Variants in PLRG1 observed in about 807,000 individuals in gnomAD.
PLRG1 encodes the protein pleiotropic regulator 1 (PRL1 homolog, Arabidopsis).
Under a neutral mutation model 74.9 loss-of-function variants are expected in PLRG1, and 28 were observed. The ratio of observed to expected loss-of-function variants is 0.37; its 90% CI spans 0.28 to 0.51. PLRG1 has a LOEUF of 0.51. PLRG1 is among the 20% of genes least tolerant of loss of function. The pLI is 0.91. For missense variants in PLRG1, 445 were observed against 631.9 expected (o/e 0.70, Z 3.17); for synonymous variants, 197 against 212.4 (o/e 0.93, Z 0.63).
In PLRG1 at chr4:154,537,984, C is replaced by A; in HGVS notation, c.1276G>T (p.Val426Leu). ...CTTATTTTACCTCCAGATACAAGCA[C>A]TCCATCAGAATTTACCGTCAATGTG... ...INTLTVNSDG[V>L]LVSGADNGTM... The change falls in exon 13 of 15, where the codon GTG (valine) becomes TTG (leucine). Residue 426 changes from valine to leucine, a missense_variant. This residue lies in a region of PLRG1 where 221 missense variants were observed against 377.7 expected (regional missense o/e 0.59). Coordinates refer to ENST00000499023, the MANE Select transcript of PLRG1 (RefSeq NM_002669.4). The A allele has an allele frequency of 6.6e-7, 1 of 1,507,122 alleles. No individual in the cohort carries two copies. The highest frequency in any genetic ancestry group is 9.0e-7 in the Non-Finnish European group (1 of 1,113,274). The allele number at this position is 1,507,122 out of a possible 1,614,324, so 93.4% of individuals were successfully genotyped here.
intron 4 of PLRG1, chr4:154,546,744 A>T: frequency 2.0e-6 from 1 of 494,156 alleles, no homozygotes; most frequent in South Asian, 2.6e-5. Flanking sequence ...ATGTCTGCCT[A>T]AACCACCAGA....
chr4:154,547,933 T>A, intron 2 of PLRG1, 80 bp from the exon 3 acceptor site: 1 of 1,052,872 alleles, frequency 9.5e-7, no homozygotes, highest in Non-Finnish European at 1.4e-6. Flanking sequence ...CCCATTCACG[T>A]AGAAAAAGTT....
At chr4:154,545,593 G>A (rs1375140308) in intron 6 of PLRG1, among the ~76,000 whole-genome samples, 4 of 151,968 alleles carry the variant, frequency 2.6e-5, no homozygotes, top group East Asian at 1.9e-4. Flanking sequence ...TTAATAGTGG[G>A]CAATAAATAC....
At chr4:154,546,062 A>C (rs1729646941) in intron 5 of PLRG1, 61 bp downstream of exon 5, 6 of 1,199,550 alleles carry the variant, frequency 5.0e-6, no homozygotes, top group Non-Finnish European at 7.2e-6. Flanking sequence ...AAATTTTAAA[A>C]AGAAAAAATG....
intron 3 of PLRG1, 147 bp from the exon 4 acceptor site, chr4:154,547,211 T>G: frequency 1.4e-6 from 1 of 698,228 alleles, no homozygotes; most frequent in South Asian, 1.7e-5. Flanking sequence ...TAAGGGAAGT[T>G]GATCACTTTT....
At position 154,544,431 on chromosome 4, in the gene PLRG1, G is replaced by A. The variant is rs748203279; in HGVS notation, c.594+14C>T. 1.5e-6 allele frequency: 2 copies of A among 1,375,028 alleles called. No individual in the cohort carries two copies. Among genetic ancestry groups the A allele is most frequent in the Non-Finnish European group, 2.1e-6 (2 of 962,154 alleles). 85.2% of individuals were successfully genotyped at this position (1,375,028 alleles called of 1,614,324 possible). A position where few individuals can be genotyped will look rare whatever the true frequency, so the allele number is the denominator to read the frequency against. ...TCATGGTTCACATAATAAAATAAAT[G>A]CAGAGTCACTCACCCTGTAGAGTTT... is the stretch of plus-strand genomic sequence containing the variant. On this transcript the variant is annotated intron_variant, in intron 7 of 14. Coordinates refer to ENST00000499023, the MANE Select transcript of PLRG1 (RefSeq NM_002669.4).
chr4:154,539,251 C>A, intron 11 of PLRG1, 38 bp from the exon 12 acceptor site: 1 of 1,173,626 alleles, frequency 8.5e-7, no homozygotes, highest in South Asian at 1.2e-5. Flanking sequence ...AAACATAGAC[C>A]AGGAAAAATA....
At chr4:154,547,630 A>C (rs1052350788) in intron 3 of PLRG1, 81 bp downstream of exon 3, 1 of 1,299,050 alleles carries the variant, frequency 7.7e-7, no homozygotes. Context: ...TCCTGCCAGG[A>C]GGGGCAAAAA....
intron 8 of PLRG1, 124 bp downstream of exon 8, chr4:154,542,061 ACT>A (rs1578768132): frequency 3.1e-6 from 2 of 638,828 alleles, no homozygotes; most frequent in East Asian, 5.5e-5. Context: ...GATAAATTTT[ACT>A]CCTTATTCAG....
At chr4:154,539,333 G>T in intron 11 of PLRG1, 120 bp from the exon 12 acceptor site, 1 of 637,114 alleles carries the variant, frequency 1.6e-6, no homozygotes, top group Non-Finnish European at 2.7e-6. Flanking sequence ...CATATCACAC[G>T]CAAATTAGTC....
chr4:154,537,844 C>T, intron 13 of PLRG1, 125 bp downstream of exon 13: 1 of 567,908 alleles, frequency 1.8e-6, no homozygotes, highest in Non-Finnish European at 3.1e-6. Flanking sequence ...TGCAAATATG[C>T]CCTAACCAGG....
intron 1 of PLRG1, 155 bp from the exon 2 acceptor site, chr4:154,549,090 G>A: frequency 1.6e-6 from 1 of 623,328 alleles, no homozygotes; most frequent in Non-Finnish European, 3.0e-6. Context: ...GTCAAGTTCA[G>A]AGAAGAGGAG....
At chr4:154,550,021 C>A (rs1484686728) in intron 1 of PLRG1, among the ~76,000 whole-genome samples, 1 of 152,188 alleles carries the variant, frequency 6.6e-6, no homozygotes, top group Admixed American at 6.5e-5. Flanking sequence ...CCAACAGAGG[C>A]CCCGCCTCCG....
At chr4:154,543,679 T>C (rs528352954) in intron 7 of PLRG1, among the ~76,000 whole-genome samples, 4 of 152,288 alleles carry the variant, frequency 2.6e-5, no homozygotes, top group Admixed American at 2.6e-4. Context: ...ATCCTAATTG[T>C]GGTAGTGGTT....
rs1371698506 is a variant in PLRG1, at chr4:154,545,925, T to A, written c.405-2A>T. The A allele has an allele frequency of 1.9e-6, 3 of 1,594,792 alleles. No homozygotes were observed. Among genetic ancestry groups the A allele is most frequent in the Non-Finnish European group, 2.6e-6 (3 of 1,166,308 alleles). On this transcript the variant is annotated splice_acceptor_variant, in intron 5 of 14. Transcript: ENST00000499023. LOFTEE classifies it high-confidence loss of function. ...GGGGCAGTACGATTTGCATCAGCCC[T>A]GGGGCAAAAGAAATAATATTTTCAA...
chr4:154,549,538 T>C (rs1195866312), intron 1 of PLRG1: 5 of 379,764 alleles, frequency 1.3e-5, no homozygotes, highest in African/African-American at 6.3e-5. Context: ...TGGTGCTTTG[T>C]AGCTGCAAGG....
chr4:154,550,374 C>T lies in PLRG1; in HGVS notation c.-66G>A. On this transcript the variant is annotated 5_prime_UTR_variant, in exon 1 of 15. Transcript: ENST00000499023. ...TAATCACTAACGCAGTACCCGCCGCCACAGCTGTGCAGCACCTTCCGGAAT... is the reference window on the plus strand; with the variant it reads ...TAATCACTAACGCAGTACCCGCCGCTACAGCTGTGCAGCACCTTCCGGAAT... The T allele has an allele frequency of 1.3e-6, 2 of 1,482,548 alleles. No individual in the cohort carries two copies. The highest frequency in any genetic ancestry group is 1.7e-4 in the Middle Eastern group (1 of 5,782). The allele number at this position is 1,482,548 out of a possible 1,614,324, so 91.8% of individuals were successfully genotyped here.
chr4:154,544,613 G>T, intron 6 of PLRG1, 67 bp from the exon 7 acceptor site: 1 of 789,406 alleles, frequency 1.3e-6, no homozygotes, highest in East Asian at 2.6e-5. Flanking sequence ...TATCAATTCA[G>T]AAATGGAAAT....
rs1729449169 is a variant in PLRG1 at position 154,536,366 on chromosome 4, A to T, written c.*319T>A. 5.2e-6 allele frequency: 1 copy of T among 190,554 alleles called. No individual in the cohort carries two copies. Among genetic ancestry groups the T allele is most frequent in the Non-Finnish European group, 1.1e-5 (1 of 94,442 alleles). The allele number at this position is 190,554 out of a possible 1,614,324, so 11.8% of individuals were successfully genotyped here. A position where few individuals can be genotyped will look rare whatever the true frequency, so the allele number is the denominator to read the frequency against. ...TTCAAATGTCCTAATTATCGGTTTC[A>T]TACATTTTTTTTAAAAAAGGGGGTT... On this transcript the variant is annotated 3_prime_UTR_variant, in exon 15 of 15. Transcript: ENST00000499023.
Sources: allele counts gnomAD v4.1 joint callset (sites outside exome capture counted in the v4.1 genomes callset), GRCh38; gene constraint gnomAD v4.1.1; regional missense constraint gnomAD v4.1.1; transcripts MANE v1.5; gene names NCBI Gene and HGNC (gene_info 2026-07-23, HGNC 2026-07-21).